TENM3: variants seen among roughly 807,000 people sequenced by gnomAD.
TENM3 encodes teneurin-3.
A neutral mutation model predicts 255.1 loss-of-function variants in TENM3; 63 were observed. The ratio of observed to expected loss-of-function variants is 0.25; its 90% CI spans 0.20 to 0.30. TENM3 has a LOEUF of 0.30. TENM3 is among the 10% of genes least tolerant of loss of function. TENM3 has a pLI of 1.00. For missense variants in TENM3, 2,929 were observed against 3,461.1 expected (o/e 0.85, Z 3.86); for synonymous variants, 1,306 against 1,322.3 (o/e 0.99, Z 0.27).
At chr4:182,430,526 C>A (rs1388720641) in intron 3 of TENM3, among the ~76,000 whole-genome samples, 1 of 151,102 alleles carries the variant, frequency 6.6e-6, no homozygotes, top group African/African-American at 2.4e-5. Flanking sequence ...CCAGCCTGAG[C>A]AGCAGAGCAA....
At chr4:181,963,845 C>T in the TENM3 span, among the ~76,000 whole-genome samples, 1 of 152,026 alleles carries the variant, frequency 6.6e-6, no homozygotes, top group African/African-American at 2.4e-5. Context: ...CATAAAGAGT[C>T]CCGTGTGTTG....
chr4:181,918,605 A>T, the TENM3 span, among the ~76,000 whole-genome samples: 1 of 152,232 alleles, frequency 6.6e-6, no homozygotes, highest in East Asian at 1.9e-4. Context: ...AAATGTCCTG[A>T]TTATTTTGGC....
the TENM3 span, among the ~76,000 whole-genome samples, chr4:181,458,853 C>T: frequency 6.6e-6 from 1 of 151,892 alleles, no homozygotes; most frequent in Non-Finnish European, 1.5e-5. Context: ...AATAAAGACG[C>T]TATGAATATT....
At chr4:181,462,237 T>C in the TENM3 span, among the ~76,000 whole-genome samples, 1 of 152,126 alleles carries the variant, frequency 6.6e-6, no homozygotes, top group African/African-American at 2.4e-5. Context: ...GAATTTCCAG[T>C]AGTAGTAGTT....
the TENM3 span, among the ~76,000 whole-genome samples, chr4:181,903,354 A>G: frequency 1.3e-5 from 2 of 152,332 alleles, no homozygotes; most frequent in South Asian, 4.1e-4. Flanking sequence ...AACAGTGTCT[A>G]GAATTATATT....
chr4:182,187,117 A>G (rs1219830144), intron 1 of TENM3, among the ~76,000 whole-genome samples: 1 of 152,042 alleles, frequency 6.6e-6, no homozygotes, highest in African/African-American at 2.4e-5. Flanking sequence ...ATTAAAAATA[A>G]TGGTCTGTAA....
At position 182,189,044 on chromosome 4, in the gene TENM3, A is replaced by T. The variant is rs144460834; in HGVS notation, c.-76+44290A>T. Among the ~76,000 whole-genome samples, 337 of 152,314 alleles carry T rather than the reference A, an allele frequency of 2.2e-3. 3 individuals are homozygous for T. Among genetic ancestry groups the T allele is most frequent in the Middle Eastern group, 0.014 (4 of 294 alleles). On this transcript the variant is annotated intron_variant, in intron 1 of 2. Transcript: ENST00000512480. ...TAAGACTTTGGGTGAATGAAAGTAA[A>T]TAAGTAAATGGAAATTTTTGTAATA... is the stretch of plus-strand genomic sequence containing the variant.
intron 2 of TENM3, among the ~76,000 whole-genome samples, chr4:182,340,236 G>A (rs1231951225): frequency 6.6e-6 from 1 of 152,134 alleles, no homozygotes; most frequent in African/African-American, 2.4e-5. Context: ...GTTCACCTTA[G>A]TGCCCAGCCT....
chr4:181,553,510 C>T, the TENM3 span, among the ~76,000 whole-genome samples: 278 of 151,962 alleles, frequency 1.8e-3, no homozygotes, highest in African/African-American at 6.2e-3. Context: ...GGCGCGATCT[C>T]GGCTCACTGC....
chr4:182,047,423 G>A, the TENM3 span, among the ~76,000 whole-genome samples: 16 of 151,896 alleles, frequency 1.1e-4, no homozygotes, highest in East Asian at 2.9e-3. Context: ...TTAGCGGGGC[G>A]TGGTGGTGCA....
intron 1 of TENM3, among the ~76,000 whole-genome samples, chr4:182,167,624 G>A (rs1418846279): frequency 6.6e-6 from 1 of 152,134 alleles, no homozygotes; most frequent in Non-Finnish European, 1.5e-5. Flanking sequence ...TATAATCTCA[G>A]CACTTTGGGA....
intron 4 of TENM3, among the ~76,000 whole-genome samples, chr4:182,603,411 G>A (rs1048246090): frequency 8.5e-5 from 13 of 152,068 alleles, no homozygotes; most frequent in African/African-American, 2.7e-4. Context: ...TTAATCTGCA[G>A]TATAGTTTTG....
chr4:182,716,560 C>T (rs28708760), intron 13 of TENM3, among the ~76,000 whole-genome samples: 1,538 of 152,280 alleles, frequency 0.01, 22 homozygotes, highest in African/African-American at 0.033. Context: ...CAGTGCCAGC[C>T]TTCTTATGCC....
intron 13 of TENM3, among the ~76,000 whole-genome samples, chr4:182,724,380 T>A (rs1760000698): frequency 6.6e-6 from 1 of 152,184 alleles, no homozygotes; most frequent in Non-Finnish European, 1.5e-5. Flanking sequence ...GACCAAAAAA[T>A]GAAAAATGTT....
chr4:182,025,876 G>A, the TENM3 span, among the ~76,000 whole-genome samples: 1 of 151,952 alleles, frequency 6.6e-6, no homozygotes, highest in Non-Finnish European at 1.5e-5. Context: ...TGCACAATGT[G>A]CAGGTTTGTT....
At position 182,544,202 on chromosome 4, in the gene TENM3, G is replaced by T. The variant is rs1393888299; in HGVS notation, c.512-56722G>T. ...TAGTTGATTGTGCAGAAAGAGAGCA[G>T]TACTCTGCCCTACCCTATTCTGTGT... On this transcript the variant is annotated intron_variant, in intron 3 of 27. Transcript: ENST00000511685. Among the ~76,000 whole-genome samples, 5 of 152,092 alleles carry T rather than the reference G, an allele frequency of 3.3e-5. No homozygotes were observed. The South Asian group carries it at 6.2e-4, about 19-fold the overall frequency.
intron 13 of TENM3, among the ~76,000 whole-genome samples, chr4:182,722,892 G>A (rs377141880): frequency 6.6e-6 from 1 of 152,154 alleles, no homozygotes; most frequent in Non-Finnish European, 1.5e-5. Flanking sequence ...GAAGCAACTG[G>A]TGATTGATTA....
chr4:182,229,864 C>T (rs1756446351), intron 1 of TENM3, among the ~76,000 whole-genome samples: 1 of 151,908 alleles, frequency 6.6e-6, no homozygotes, highest in Non-Finnish European at 1.5e-5. Flanking sequence ...AGAATGTTTC[C>T]AATTCTAAAA....
At chr4:182,306,941 A>G (rs1413391413) in intron 1 of TENM3, among the ~76,000 whole-genome samples, 2 of 152,218 alleles carry the variant, frequency 1.3e-5, no homozygotes, top group Non-Finnish European at 2.9e-5. Flanking sequence ...TGGATCTTTC[A>G]GTTAACACTC....
Sources: allele counts gnomAD v4.1 joint callset (sites outside exome capture counted in the v4.1 genomes callset), GRCh38; gene constraint gnomAD v4.1.1; transcripts MANE v1.5; gene names NCBI Gene and HGNC (gene_info 2026-07-23, HGNC 2026-07-21).